The following UNC5D variants were observed in gnomAD, a reference collection of about 807,000 sequenced individuals.
UNC5D encodes the protein unc-5 netrin receptor D, also known as netrin receptor UNC5D.
A neutral mutation model predicts 105.4 loss-of-function variants in UNC5D; 39 were observed. The ratio of observed to expected loss-of-function variants is 0.37; its 90% CI spans 0.29 to 0.48. The LOEUF (loss-of-function observed/expected upper bound fraction) is 0.48. Ranked by LOEUF, UNC5D falls within the 20% of genes least tolerant of loss-of-function variation. The pLI is 0.98. For synonymous variants in UNC5D, 452 were observed against 450.4 expected (o/e 1.00, Z -0.04); for missense variants, 991 against 1,202.4 (o/e 0.82, Z 2.60).
At chr8:35,503,250 A>G (rs1177745168) in intron 1 of UNC5D, among the ~76,000 whole-genome samples, 1 of 152,176 alleles carries the variant, frequency 6.6e-6, no homozygotes, top group East Asian at 1.9e-4. Flanking sequence ...CCGCTGATAA[A>G]GAGATACCTG....
chr8:35,375,449 C>T (rs538271883), intron 1 of UNC5D, among the ~76,000 whole-genome samples: 14 of 152,228 alleles, frequency 9.2e-5, no homozygotes, highest in African/African-American at 1.9e-4. Context: ...ACCCTCCTCC[C>T]GCAGTTGGGC....
Position 35,602,266 on chromosome 8 carries a change from T to G in UNC5D, c.570+6609T>G, listed in dbSNP as rs142668563. ...ATATTGGTCTAAAATTCTCTTTTTTTGTTGTGTCTCTGCCAGGCTTTGGTA... is the reference window on the plus strand; with the variant it reads ...ATATTGGTCTAAAATTCTCTTTTTTGGTTGTGTCTCTGCCAGGCTTTGGTA... On this transcript the variant is annotated intron_variant, in intron 4 of 16. Coordinates refer to ENST00000404895, the MANE Select transcript of UNC5D (RefSeq NM_080872.4). 8.5e-3 allele frequency among the ~76,000 whole-genome samples: 1,297 copies of G among 152,292 alleles called. 7 individuals are homozygous for G. Among genetic ancestry groups the G allele is most frequent in the Non-Finnish European group, 0.014 (951 of 68,028 alleles).
chr8:35,781,624 T>C (rs1802506396), intron 16 of UNC5D, among the ~76,000 whole-genome samples: 1 of 152,234 alleles, frequency 6.6e-6, no homozygotes, highest in Non-Finnish European at 1.5e-5. Flanking sequence ...AATTTGAGAC[T>C]GTAAAATCCT....
chr8:35,618,255 C>CA (rs1248544855), intron 4 of UNC5D, among the ~76,000 whole-genome samples: 5 of 152,108 alleles, frequency 3.3e-5, no homozygotes, highest in Non-Finnish European at 7.4e-5. Context: ...ATCTAGGTAC[C>CA]AGTGGAGATG....
chr8:35,795,393 T>G lies in UNC5D; in HGVS notation c.*4830T>G, dbSNP rs1803217770. 1 of 152,106 alleles carries G rather than the reference T, an allele frequency of 6.6e-6. No individual in the cohort carries two copies. Among genetic ancestry groups the G allele is most frequent in the African/African-American group, 2.4e-5 (1 of 41,436 alleles). 9.4% of individuals were successfully genotyped at this position (152,106 alleles called of 1,614,324 possible). Reference sequence around the variant, plus strand: ...CACTGTTTACACTCAAATCCCAAAATTGGCCAAATTATATAATTCTCTTAA... The same window carrying G: ...CACTGTTTACACTCAAATCCCAAAAGTGGCCAAATTATATAATTCTCTTAA... On this transcript the variant is annotated 3_prime_UTR_variant, in exon 17 of 17. Transcript: ENST00000404895.
chr8:35,515,460 G>A (rs189644766), intron 1 of UNC5D, among the ~76,000 whole-genome samples: 285 of 152,274 alleles, frequency 1.9e-3, no homozygotes, highest in African/African-American at 6.5e-3. Context: ...CGAGGTGGGC[G>A]AATCACTTGA....
At chr8:35,498,700 G>C (rs188272516) in intron 1 of UNC5D, among the ~76,000 whole-genome samples, 5 of 152,132 alleles carry the variant, frequency 3.3e-5, no homozygotes, top group African/African-American at 1.2e-4. Flanking sequence ...GCTGAATTTC[G>C]TCATCAGGCA....
chr8:35,238,750 A>G (rs1802623389), intron 1 of UNC5D, among the ~76,000 whole-genome samples: 1 of 152,206 alleles, frequency 6.6e-6, no homozygotes, highest in Non-Finnish European at 1.5e-5. Context: ...TTCCTGGACA[A>G]TGAAATTTTG....
At chr8:35,518,606 G>T (rs1002728762) in intron 1 of UNC5D, among the ~76,000 whole-genome samples, 6 of 152,060 alleles carry the variant, frequency 3.9e-5, no homozygotes, top group Admixed American at 2.0e-4. Context: ...ATTGATTTCA[G>T]TTTTTCTCTG....
chr8:35,701,938 G>T (rs929758174), intron 7 of UNC5D, among the ~76,000 whole-genome samples: 2 of 148,036 alleles, frequency 1.4e-5, no homozygotes, highest in African/African-American at 4.9e-5. Flanking sequence ...TTTTATTTTG[G>T]ATGCACAACT....
intron 4 of UNC5D, among the ~76,000 whole-genome samples, chr8:35,600,761 C>T (rs1000914755): frequency 2.6e-5 from 4 of 152,290 alleles, no homozygotes; most frequent in Admixed American, 2.6e-4. Context: ...CCTGTTCACT[C>T]TGATGGTGGT....
chr8:35,634,311 G>A (rs1226218601), intron 4 of UNC5D, among the ~76,000 whole-genome samples: 1 of 152,176 alleles, frequency 6.6e-6, no homozygotes, highest in Non-Finnish European at 1.5e-5. Context: ...TGAGAACCAG[G>A]TGGCTTGCAC....
chr8:35,430,596 A>G (rs115487444), intron 1 of UNC5D, among the ~76,000 whole-genome samples: 2,156 of 152,076 alleles, frequency 0.014, 61 homozygotes, highest in African/African-American at 0.049. Flanking sequence ...TTACCTTGGG[A>G]GATCTGATGC....
At chr8:35,480,437 G>C (rs1810407828) in intron 1 of UNC5D, among the ~76,000 whole-genome samples, 2 of 152,154 alleles carry the variant, frequency 1.3e-5, no homozygotes, top group Non-Finnish European at 1.5e-5. Flanking sequence ...GATTGTCTTG[G>C]TGTTAACATG....
chr8:35,525,378 C>A (rs1813791330), intron 1 of UNC5D: 1 of 1,611,990 alleles, frequency 6.2e-7, no homozygotes, highest in Admixed American at 1.7e-5. Flanking sequence ...TTTTTCTTGC[C>A]ATTTACAGTC....
At chr8:35,355,313 G>A (rs1011706778) in intron 1 of UNC5D, among the ~76,000 whole-genome samples, 2 of 152,062 alleles carry the variant, frequency 1.3e-5, no homozygotes, top group African/African-American at 4.8e-5. Context: ...TTCCTTCCTT[G>A]TTATCAATTA....
chr8:35,398,377 G>A (rs1013000630), intron 1 of UNC5D, among the ~76,000 whole-genome samples: 5 of 151,920 alleles, frequency 3.3e-5, no homozygotes, highest in African/African-American at 1.2e-4. Flanking sequence ...CATAATTTAT[G>A]TGATTATTTG....
At chr8:35,514,111 C>T (rs200128576) in intron 1 of UNC5D, among the ~76,000 whole-genome samples, 1 of 152,164 alleles carries the variant, frequency 6.6e-6, no homozygotes, top group African/African-American at 2.4e-5. Context: ...AAGGCAGAAC[C>T]CTTCTACCTG....
intron 1 of UNC5D, among the ~76,000 whole-genome samples, chr8:35,276,069 G>A (rs576982375): frequency 7.9e-5 from 12 of 152,180 alleles, no homozygotes; most frequent in Admixed American, 5.2e-4. Flanking sequence ...AAGATACAAC[G>A]TGTTTTTTTA....
Sources: gnomAD v4.1 joint callset for allele counts (sites outside exome capture counted in the v4.1 genomes callset) on GRCh38, gnomAD v4.1.1 for gene constraint, MANE v1.5 for transcripts, NCBI Gene and HGNC (gene_info 2026-07-23, HGNC 2026-07-21) for gene names.